Variants in GRIN2B observed in about 807,000 individuals in gnomAD.
GRIN2B encodes the protein glutamate receptor ionotropic, NMDA 2B.
In GRIN2B, 5 loss-of-function variants were observed where a neutral mutation model predicts 114.5. The ratio of observed to expected loss-of-function variants is 0.04; its 90% CI spans 0.02 to 0.09. GRIN2B has a LOEUF of 0.09. GRIN2B is among the 10% of genes least tolerant of loss of function. The probability of loss-of-function intolerance (pLI) is 1.00; values close to 1 mark genes in which losing one functional copy is unlikely to be tolerated. For synonymous variants in GRIN2B, 787 were observed against 745.1 expected (o/e 1.06, Z -0.92); for missense variants, 1,108 against 1,943.5 (o/e 0.57, Z 8.08).
At chr12:13,784,555 T>C (rs963851072) in intron 3 of GRIN2B, among the ~76,000 whole-genome samples, 1 of 152,086 alleles carries the variant, frequency 6.6e-6, no homozygotes, top group Non-Finnish European at 1.5e-5. Context: ...CTATAGTCAA[T>C]TTCCACCCCC....
chr12:13,596,240 G>T (rs545504674), intron 10 of GRIN2B, among the ~76,000 whole-genome samples: 1 of 152,324 alleles, frequency 6.6e-6, no homozygotes, highest in South Asian at 2.1e-4. Context: ...AAAAGGTGGA[G>T]TCCCAGCTGC....
intron 10 of GRIN2B, among the ~76,000 whole-genome samples, chr12:13,590,428 C>T (rs1317867832): frequency 1.3e-5 from 2 of 152,072 alleles, no homozygotes; most frequent in Admixed American, 6.5e-5. Flanking sequence ...GTGATGTTCC[C>T]CTCCCTGTGT....
At chr12:13,838,715 A>G (rs1865325111) in intron 3 of GRIN2B, among the ~76,000 whole-genome samples, 1 of 152,174 alleles carries the variant, frequency 6.6e-6, no homozygotes, top group South Asian at 2.1e-4. Flanking sequence ...AATTTCTAAC[A>G]TGGCCTGGAA....
intron 3 of GRIN2B, among the ~76,000 whole-genome samples, chr12:13,847,943 G>T (rs890179625): frequency 4.6e-5 from 7 of 152,156 alleles, no homozygotes; most frequent in Admixed American, 3.9e-4. Context: ...ACTTCCCAGA[G>T]CAGGTCCTGA....
intron 3 of GRIN2B, among the ~76,000 whole-genome samples, chr12:13,779,453 T>C (rs1864067179): frequency 6.6e-6 from 1 of 152,188 alleles, no homozygotes; most frequent in South Asian, 2.1e-4. Context: ...CCAACAGAAA[T>C]ATAATGCAAG....
intron 2 of GRIN2B, among the ~76,000 whole-genome samples, chr12:13,963,724 G>C (rs1335367756): frequency 6.6e-6 from 1 of 152,168 alleles, no homozygotes; most frequent in Non-Finnish European, 1.5e-5. Context: ...TGACTCCCAT[G>C]GGCTGCCTCT....
intron 2 of GRIN2B, among the ~76,000 whole-genome samples, chr12:13,888,778 A>G (rs1231080825): frequency 9.2e-6 from 1 of 108,452 alleles, no homozygotes; most frequent in Non-Finnish European, 2.1e-5. Flanking sequence ...GATTTTTTAA[A>G]ACGGTATAAA....
At chr12:13,593,097 A>G (rs1949029165) in intron 10 of GRIN2B, among the ~76,000 whole-genome samples, 5 of 152,212 alleles carry the variant, frequency 3.3e-5, no homozygotes, top group Admixed American at 2.6e-4. Context: ...GGAAGAATCA[A>G]TATCATCAGA....
At chr12:13,871,866 G>T (rs903827607) in intron 2 of GRIN2B, among the ~76,000 whole-genome samples, 1 of 152,020 alleles carries the variant, frequency 6.6e-6, no homozygotes, top group African/African-American at 2.4e-5. Flanking sequence ...GAAAGGGGCT[G>T]AAAAGAATGT....
intron 2 of GRIN2B, among the ~76,000 whole-genome samples, chr12:13,921,334 G>C (rs1057480278): frequency 1.4e-4 from 21 of 152,146 alleles, no homozygotes; most frequent in African/African-American, 4.8e-4. Flanking sequence ...GGAGGCAGAA[G>C]TTGCAATGAA....
At chr12:13,772,196 C>G (rs1863920179) in intron 3 of GRIN2B, among the ~76,000 whole-genome samples, 5 of 152,234 alleles carry the variant, frequency 3.3e-5, no homozygotes, top group Admixed American at 3.3e-4. Flanking sequence ...GATCAGCTCC[C>G]TCTGGGGAGG....
intron 2 of GRIN2B, among the ~76,000 whole-genome samples, chr12:13,952,262 G>C (rs181304245): frequency 2.6e-4 from 40 of 152,276 alleles, no homozygotes; most frequent in Admixed American, 4.6e-4. Context: ...AAAATATTCA[G>C]ATCTCTGAAG....
chr12:13,709,292 A>G (rs1186956597), intron 4 of GRIN2B, among the ~76,000 whole-genome samples: 1 of 152,014 alleles, frequency 6.6e-6, no homozygotes, highest in African/African-American at 2.4e-5. Context: ...GCATACAAAG[A>G]ACCATAACAT....
At chr12:13,861,938 C>T (rs759608448) in intron 3 of GRIN2B, among the ~76,000 whole-genome samples, 4 of 152,188 alleles carry the variant, frequency 2.6e-5, no homozygotes, top group Admixed American at 1.3e-4. Context: ...CCATGTATCA[C>T]CTCATTTAAT....
chr12:13,648,625 A>T (rs1432079440), intron 5 of GRIN2B, among the ~76,000 whole-genome samples: 1 of 151,920 alleles, frequency 6.6e-6, no homozygotes, highest in African/African-American at 2.4e-5. Context: ...AGCGCCTTTG[A>T]CAATAGGCAG....
At chr12:13,721,869 T>C (rs1862887532) in intron 4 of GRIN2B, among the ~76,000 whole-genome samples, 1 of 151,998 alleles carries the variant, frequency 6.6e-6, no homozygotes, top group Admixed American at 6.6e-5. Context: ...CATTTAGTGG[T>C]GGGTAGAAAA....
intron 2 of GRIN2B, among the ~76,000 whole-genome samples, chr12:13,940,777 T>C (rs547980564): frequency 6.6e-6 from 1 of 152,250 alleles, no homozygotes; most frequent in East Asian, 1.9e-4. Context: ...AGAACCACTT[T>C]GCTAAATAAG....
At chr12:13,969,495 A>G (rs1270997013) in intron 2 of GRIN2B, among the ~76,000 whole-genome samples, 2 of 152,258 alleles carry the variant, frequency 1.3e-5, no homozygotes, top group Non-Finnish European at 2.9e-5. Flanking sequence ...AGTAATGTGC[A>G]TTAATATAAT....
chr12:13,594,022 C>T (rs1225144523), intron 10 of GRIN2B, among the ~76,000 whole-genome samples: 2 of 152,134 alleles, frequency 1.3e-5, no homozygotes, highest in Admixed American at 1.3e-4. Context: ...AGTCAGGAAA[C>T]AACAGATGCT....
Sources: allele counts gnomAD v4.1 joint callset (sites outside exome capture counted in the v4.1 genomes callset), GRCh38; gene constraint gnomAD v4.1.1; transcripts MANE v1.5; gene names NCBI Gene and HGNC (gene_info 2026-07-23, HGNC 2026-07-21).